TERT: variants seen among roughly 807,000 people sequenced by gnomAD.
The protein encoded by TERT is telomerase catalytic subunit.
In TERT, 42 loss-of-function variants were observed where a neutral mutation model predicts 104.0. The observed-to-expected ratio is 0.40, with a 90% CI of 0.32 to 0.52. The LOEUF (loss-of-function observed/expected upper bound fraction) is 0.52. TERT is among the 20% of genes least tolerant of loss of function. TERT has a pLI of 0.43. For missense variants in TERT, 1,101 were observed against 1,610.3 expected (o/e 0.68, Z 5.41); for synonymous variants, 781 against 725.6 (o/e 1.08, Z -1.23).
intron 5 of TERT, 88 bp from the exon 6 acceptor site, chr5:1,278,884 C>T: frequency 6.4e-7 from 1 of 1,568,970 alleles, no homozygotes; most frequent in Non-Finnish European, 8.7e-7. Context: ...TGGCGGTGTC[C>T]CCCACTCTCT....
rs1236161804 is a variant in TERT at position 1,287,509 on chromosome 5, ATAT to A, written c.1574-4888_1574-4886del. ...CAAGACTCTGTCTCAAAAAAAAAAA[ATAT>A]ATATATATATATATAAATTAAAGGC... On this transcript the variant is annotated intron_variant, in intron 2 of 15. Transcript: ENST00000310581. The surrounding 1 kb of genome is among the most constrained non-coding windows in gnomAD (Gnocchi z 4.3). 3.2e-5 allele frequency among the ~76,000 whole-genome samples: 4 copies of A among 126,550 alleles called. No individual in the cohort carries two copies. Among genetic ancestry groups the A allele is most frequent in the African/African-American group, 5.9e-5 (2 of 33,834 alleles). The allele number at this position is 126,550 out of a possible 152,430, so 83.0% of individuals were successfully genotyped here.
Position 1,293,541 on chromosome 5 carries a change from C to A in TERT, c.1345G>T (p.Val449Leu). The change falls in exon 2 of 16, where the codon GTG becomes TTG. Residue 449 changes from valine to leucine, a missense_variant. Physicochemically the swap from Val to Leu is conservative, Grantham distance 32. Transcript: ENST00000310581. ...EEEDTDPRRL[V>L]QLLRQHSSPW... ...CTGCTGTGCTGGCGGAGCAGCTGCACCAGGCGACGGGGGTCTGTGTCCTCC... is the reference window on the plus strand; with the variant it reads ...CTGCTGTGCTGGCGGAGCAGCTGCAACAGGCGACGGGGGTCTGTGTCCTCC... 6.4e-7 allele frequency: 1 copy of A among 1,551,894 alleles called. No individual in the cohort carries two copies. The highest frequency in any genetic ancestry group is 1.2e-5 in the South Asian group (1 of 84,600).
chr5:1,277,316 C>A (rs886959382), intron 6 of TERT, among the ~76,000 whole-genome samples: 31 of 152,240 alleles, frequency 2.0e-4, no homozygotes, highest in African/African-American at 7.2e-4. Flanking sequence ...CCTCTGACCC[C>A]TGGGACACTC....
chr5:1,259,848 G>C (rs149308574), intron 12 of TERT, among the ~76,000 whole-genome samples: 6 of 141,516 alleles, frequency 4.2e-5, no homozygotes, highest in Non-Finnish European at 7.7e-5. Flanking sequence ...GCCCACAGGA[G>C]GGGGGAGTGG....
intron 12 of TERT, among the ~76,000 whole-genome samples, 170 bp from the exon 13 acceptor site, chr5:1,258,829 ACCAC>A (rs1453796206): frequency 6.6e-6 from 1 of 152,238 alleles, no homozygotes; most frequent in African/African-American, 2.4e-5. Context: ...GCAGCTGCGA[ACCAC>A]CCTGGGCGAG....
rs941123759 is a variant in TERT, at chr5:1,282,623, C to A, written c.1575G>T (p.Gly525=). ...GCTCTGCGGCCGGAACACAGCCAAC[C>A]CCTTAAACGAGAAGGACATGCCACA... ...RDCAWLRRSP[G]VGCVPAAEHR... Residue 525 remains glycine (G), a splice_region_variant and synonymous_variant, in exon 3 of 16, where the codon GGG becomes GGT. Coordinates refer to ENST00000310581, the MANE Select transcript of TERT (RefSeq NM_198253.3). 1 of 1,613,862 alleles carries A rather than the reference C, an allele frequency of 6.2e-7. No homozygotes were observed. The highest frequency in any genetic ancestry group is 2.2e-5 in the East Asian group (1 of 44,900).
chr5:1,282,553 T>A lies in TERT; in HGVS notation c.1645A>T (p.Met549Leu), dbSNP rs1280057050. ...EILAKFLHWL[M>L]SVYVVELLRS... ...AGCAGCTCGACGACGTACACACTCA[T>A]CAGCCAGTGCAGGAACTTGGCCAGG... is the stretch of plus-strand genomic sequence containing the variant. The change falls in exon 3 of 16, where the codon ATG becomes TTG. Residue 549 changes from methionine to leucine, a missense_variant. Around this residue, in one of 5 missense-constraint regions of TERT, gnomAD observed 504 missense variants for 544.6 expected, o/e 0.93. Coordinates refer to ENST00000310581, the MANE Select transcript of TERT (RefSeq NM_198253.3). The A allele has an allele frequency of 1.2e-6, 2 of 1,614,100 alleles. No homozygotes were observed. Among genetic ancestry groups the A allele is most frequent in the Non-Finnish European group, 1.7e-6 (2 of 1,180,014 alleles).
rs1259181308 is a variant in TERT at position 1,292,142 on chromosome 5, A to AG, written c.1573+1170dup. 6.6e-6 allele frequency among the ~76,000 whole-genome samples: 1 copy of AG among 152,186 alleles called. No homozygotes were observed. The highest frequency in any genetic ancestry group is 1.9e-4 in the East Asian group (1 of 5,186). ...CCATAAAAAGAAAAAAAGAAAAAAA[A>AG]GAGCCCCAAGAAGGTCACCCTCCTT... On this transcript the variant is annotated intron_variant, in intron 2 of 15. Transcript: ENST00000310581. The surrounding 1 kb of genome is among the most constrained non-coding windows in gnomAD (Gnocchi z 5.5).
Position 1,278,650 on chromosome 5 carries a change from G to A in TERT, c.2277C>T (p.Phe759=), listed in dbSNP as rs1579574740. The A allele has an allele frequency of 1.2e-6, 2 of 1,614,144 alleles. No individual in the cohort carries two copies. The highest frequency in any genetic ancestry group is 2.2e-5 in the South Asian group (2 of 91,086). The part of the protein sequence containing the change: ...KAAHGHVRKA[F]KSHVSTLTDL... ...CACACGTGAACCTTACGTGGCTCTT[G>A]AAGGCCTTGCGGACGTGCCCATGGG... Residue 759 remains phenylalanine (F), a synonymous_variant, in exon 6 of 16, where the codon TTC becomes TTT. Coordinates refer to ENST00000310581, the MANE Select transcript of TERT (RefSeq NM_198253.3).
In TERT at chr5:1,293,813, C is replaced by T. The variant is rs200191524; in HGVS notation, c.1073G>A (p.Arg358Gln). ...SSLRPSLTGA[R>Q]RLVETIFLGS... Reference sequence around the variant, plus strand: ...CAGAAAGATGGTCTCCACGAGCCTCCGAGCGCCAGTCAGGCTGGGCCTCAG... The same window carrying T: ...CAGAAAGATGGTCTCCACGAGCCTCTGAGCGCCAGTCAGGCTGGGCCTCAG... Residue 358 changes from arginine to glutamine, a missense_variant, in exon 2 of 16, where the codon CGG (arginine) becomes CAG (glutamine). Coordinates refer to ENST00000310581, the MANE Select transcript of TERT (RefSeq NM_198253.3). 6 of 1,550,602 alleles carry T rather than the reference C, an allele frequency of 3.9e-6. No individual in the cohort carries two copies. The highest frequency in any genetic ancestry group is 2.4e-5 in the East Asian group (1 of 41,002).
intron 10 of TERT, among the ~76,000 whole-genome samples, chr5:1,264,935 G>A (rs948500352): frequency 6.6e-6 from 1 of 152,228 alleles, no homozygotes; most frequent in African/African-American, 2.4e-5. Context: ...CTCATCTGTG[G>A]TCCGGGGCAG....
chr5:1,293,838 G>A lies in TERT; in HGVS notation c.1048C>T (p.Leu350=), dbSNP rs2126686184. Residue 350 remains leucine (L), a synonymous_variant, in exon 2 of 16, where the codon CTG becomes TTG. Transcript: ENST00000310581. ...QLRPSFLLSS[L]RPSLTGARRL... is the part of the protein sequence containing the mutation. ...CGAGCGCCAGTCAGGCTGGGCCTCA[G>A]AGAGCTGAGTAGGAAGGAGGGCCGC... The A allele has an allele frequency of 1.9e-6, 3 of 1,548,850 alleles. No homozygotes were observed. Among genetic ancestry groups the A allele is most frequent in the Non-Finnish European group, 2.6e-6 (3 of 1,147,040 alleles).
Position 1,293,609 on chromosome 5 carries a change from C to G in TERT, c.1277G>C (p.Cys426Ser). ...RAAVTPAAGV[C>S]AREKPQGSVA... Reference sequence around the variant, plus strand: ...AGAGCCCTGGGGCTTCTCCCGGGCACAGACACCGGCTGCTGGGGTGACCGC... The same window carrying G: ...AGAGCCCTGGGGCTTCTCCCGGGCAGAGACACCGGCTGCTGGGGTGACCGC... Residue 426 changes from cysteine (C) to serine (S), a missense_variant, in exon 2 of 16, where the codon TGT becomes TCT. Transcript: ENST00000310581. The G allele has an allele frequency of 6.5e-7, 1 of 1,549,222 alleles. No individual in the cohort carries two copies. The highest frequency in any genetic ancestry group is 2.0e-5 in the Admixed American group (1 of 51,006).
intron 2 of TERT, among the ~76,000 whole-genome samples, chr5:1,289,338 T>C (rs1236183233): frequency 2.0e-3 from 131 of 64,202 alleles, no homozygotes; most frequent in South Asian, 2.5e-3. Flanking sequence ...CCGGGGACAG[T>C]GCCTCACTCA....
At position 1,292,849 on chromosome 5, in the gene TERT, T is replaced by C. The variant is rs925108300; in HGVS notation, c.1573+464A>G. Among the ~76,000 whole-genome samples the C allele has an allele frequency of 3.3e-5, 5 of 152,308 alleles. No individual in the cohort carries two copies. In the East Asian group the frequency reaches 5.8e-4, roughly 18 times the overall value. ...ATTAAATCTTAAACACAAACCTGCA[T>C]ATTGGCTGACCACGTGCACCTGCAA... On this transcript the variant is annotated intron_variant, in intron 2 of 15. Transcript: ENST00000310581. The surrounding 1 kb of genome is among the most constrained non-coding windows in gnomAD (Gnocchi z 5.5).
Position 1,274,686 on chromosome 5 carries a change from C to G in TERT, c.2287-2406G>C, listed in dbSNP as rs1749420529. On this transcript the variant is annotated intron_variant, in intron 6 of 15. Transcript: ENST00000310581. The surrounding 1 kb of genome is among the most constrained non-coding windows in gnomAD (Gnocchi z 5.3). ...GGCGGGAACGCTGGCTCCCCACACCCCACCTAGCCTCCCGCTGTGCGCCGG... is the reference window on the plus strand; with the variant it reads ...GGCGGGAACGCTGGCTCCCCACACCGCACCTAGCCTCCCGCTGTGCGCCGG... 1.3e-5 allele frequency among the ~76,000 whole-genome samples: 2 copies of G among 152,358 alleles called. No homozygotes were observed. The highest frequency in any genetic ancestry group is 4.1e-4 in the South Asian group (2 of 4,830).
chr5:1,282,120 A>C (rs991598498), intron 3 of TERT, among the ~76,000 whole-genome samples: 83 of 152,268 alleles, frequency 5.5e-4, no homozygotes, highest in African/African-American at 1.8e-3. Context: ...AGAGAATCAG[A>C]CCCACATCCC....
At chr5:1,266,971 G>A (rs1342232237) in intron 9 of TERT, among the ~76,000 whole-genome samples, 1 of 152,184 alleles carries the variant, frequency 6.6e-6, no homozygotes. Flanking sequence ...AGCTGGGCAT[G>A]GTGCACTGTG....
In TERT at chr5:1,265,605, G is replaced by A. The variant is rs1273330167; in HGVS notation, c.2654+859C>T. Among the ~76,000 whole-genome samples the A allele has an allele frequency of 3.9e-5, 6 of 152,004 alleles. No homozygotes were observed. ...CACAGCCTGCTGTGCTCCGGGCTGC[G>A]GCACAAGGAACGCCAGGCATACCCC... On this transcript the variant is annotated intron_variant, in intron 10 of 15. Transcript: ENST00000310581. This position sits in a 1 kb window ranked among gnomAD's most constrained non-coding sequence, Gnocchi z 6.9.
Sources: allele counts gnomAD v4.1 joint callset (sites outside exome capture counted in the v4.1 genomes callset), GRCh38; gene constraint gnomAD v4.1.1; regional missense constraint gnomAD v4.1.1; non-coding constraint Gnocchi (gnomAD v3.1); transcripts MANE v1.5; gene names NCBI Gene and HGNC (gene_info 2026-07-23, HGNC 2026-07-21).